Variants in LY86 observed in about 807,000 individuals in gnomAD.
The protein encoded by LY86 is MD-1, RP105-associated.
Under a neutral mutation model 17.3 loss-of-function variants are expected in LY86, and 20 were observed. The observed-to-expected ratio is 1.15, with a 90% confidence interval of 0.81 to 1.68. LY86 has a LOEUF of 1.68. Ranked by LOEUF, LY86 falls within the 40% of genes most tolerant of loss-of-function variation. LY86 has a pLI of 0.00. For synonymous variants in LY86, 74 were observed against 70.6 expected (o/e 1.05, Z -0.24); for missense variants, 200 against 191.9 (o/e 1.04, Z -0.25).
At chr6:6,648,162 C>T (rs931938835) in intron 3 of LY86, among the ~76,000 whole-genome samples, 1 of 152,138 alleles carries the variant, frequency 6.6e-6, no homozygotes, top group Admixed American at 6.6e-5. Context: ...TGTTCTCTAC[C>T]TCCACCACCA....
At chr6:6,598,928 T>A (rs1760812249) in intron 1 of LY86, among the ~76,000 whole-genome samples, 1 of 152,232 alleles carries the variant, frequency 6.6e-6, no homozygotes, top group Non-Finnish European at 1.5e-5. Context: ...ATTTGTATAT[T>A]CTGTGCCATC....
intron 3 of LY86, among the ~76,000 whole-genome samples, chr6:6,649,099 A>G (rs1444140599): frequency 1.3e-5 from 2 of 152,248 alleles, no homozygotes; most frequent in Non-Finnish European, 2.9e-5. Context: ...GAGGCCTCAC[A>G]ATCATAGTGG....
At chr6:6,634,632 T>C (rs1761937343) in intron 3 of LY86, among the ~76,000 whole-genome samples, 1 of 152,268 alleles carries the variant, frequency 6.6e-6, no homozygotes, top group Admixed American at 6.5e-5. Context: ...CTTCTGGTCC[T>C]GGTTCATGCT....
chr6:6,611,379 A>C (rs901018797), intron 1 of LY86, among the ~76,000 whole-genome samples: 2 of 152,182 alleles, frequency 1.3e-5, no homozygotes, highest in Non-Finnish European at 2.9e-5. Flanking sequence ...CAGTTTTCCC[A>C]ATTCTAAAAC....
At chr6:6,593,835 C>G (rs1239408735) in intron 1 of LY86, among the ~76,000 whole-genome samples, 1 of 152,152 alleles carries the variant, frequency 6.6e-6, no homozygotes, top group Non-Finnish European at 1.5e-5. Context: ...CTCATGATGC[C>G]CCTTGGTGCA....
At chr6:6,605,011 T>A (rs777334593) in intron 1 of LY86, among the ~76,000 whole-genome samples, 1 of 149,652 alleles carries the variant, frequency 6.7e-6, no homozygotes, top group Non-Finnish European at 1.5e-5. Flanking sequence ...AGTCATTCAA[T>A]AGTAAGTAAA....
chr6:6,595,508 T>TC (rs1164071422), intron 1 of LY86, among the ~76,000 whole-genome samples: 3 of 151,326 alleles, frequency 2.0e-5, no homozygotes, highest in African/African-American at 4.9e-5. Context: ...AAGAATGGCT[T>TC]CCCTCCTGCC....
intron 1 of LY86, among the ~76,000 whole-genome samples, chr6:6,612,483 A>T (rs1041403531): frequency 6.6e-6 from 1 of 151,858 alleles, no homozygotes; most frequent in Non-Finnish European, 1.5e-5. Context: ...GCAGACCCAA[A>T]GTGTAAACAA....
chr6:6,610,849 ACCTG>A, intron 1 of LY86, among the ~76,000 whole-genome samples: 1 of 152,328 alleles, frequency 6.6e-6, no homozygotes, highest in Non-Finnish European at 1.5e-5. Flanking sequence ...GTCTGAGCTT[ACCTG>A]CAAGATGAAG....
At chr6:6,595,077 G>A (rs17142351) in intron 1 of LY86, among the ~76,000 whole-genome samples, 12,330 of 151,834 alleles carry the variant, frequency 0.081, 1,398 homozygotes, top group African/African-American at 0.25. Context: ...GCAGTCTGTG[G>A]ACCAGCAAAA....
chr6:6,607,459 A>T (rs9328379), intron 1 of LY86, among the ~76,000 whole-genome samples: 47,324 of 152,178 alleles, frequency 0.31, 9,341 homozygotes, highest in African/African-American at 0.57. Flanking sequence ...ACTAGAAATA[A>T]AGTATATGAT....
At chr6:6,625,395 T>A (rs1761768371) in intron 2 of LY86, among the ~76,000 whole-genome samples, 1 of 152,240 alleles carries the variant, frequency 6.6e-6, no homozygotes, top group Admixed American at 6.5e-5. Flanking sequence ...GTACGGTTTG[T>A]CATTTGTGTT....
intron 1 of LY86, among the ~76,000 whole-genome samples, chr6:6,602,297 T>C (rs918373908): frequency 2.6e-5 from 4 of 152,234 alleles, no homozygotes; most frequent in African/African-American, 9.6e-5. Context: ...TTTGAACACC[T>C]GGAATTGCTA....
Position 6,654,716 on chromosome 6 carries a change from C to A in LY86, c.*89C>A. 1.8e-6 allele frequency: 2 copies of A among 1,132,400 alleles called. No homozygotes were observed. Among genetic ancestry groups the A allele is most frequent in the African/African-American group, 1.5e-5 (1 of 65,040 alleles). 70.1% of individuals were successfully genotyped at this position (1,132,400 alleles called of 1,614,324 possible). ...GAACCTACTGTGGGAGGAGAAGCAG[C>A]TGATGACAGAGAGAGGCTCTACAAA... On this transcript the variant is annotated 3_prime_UTR_variant, in exon 5 of 5. Transcript: ENST00000230568.
At chr6:6,610,932 G>C (rs1007194608) in intron 1 of LY86, among the ~76,000 whole-genome samples, 2 of 152,170 alleles carry the variant, frequency 1.3e-5, no homozygotes, top group Non-Finnish European at 2.9e-5. Flanking sequence ...GCCAAGGAAG[G>C]CTCCTTCTTT....
intron 1 of LY86, among the ~76,000 whole-genome samples, chr6:6,609,867 G>A (rs372084860): frequency 1.3e-5 from 2 of 151,902 alleles, no homozygotes; most frequent in Admixed American, 6.6e-5. Context: ...AAAAGAATTC[G>A]TGCTTGTTCT....
intron 1 of LY86, chr6:6,620,718 C>T (rs187834131): frequency 1.3e-5 from 2 of 152,316 alleles, no homozygotes; most frequent in African/African-American, 4.8e-5. Context: ...CTAGCCCAGC[C>T]TAGGCCACTA....
At chr6:6,649,014 A>G (rs1762147378) in intron 3 of LY86, among the ~76,000 whole-genome samples, 1 of 152,224 alleles carries the variant, frequency 6.6e-6, no homozygotes. Flanking sequence ...TCATACCACT[A>G]TGAAGAAACA....
intron 1 of LY86, among the ~76,000 whole-genome samples, chr6:6,592,565 G>C (rs891315729): frequency 2.6e-5 from 4 of 152,246 alleles, no homozygotes; most frequent in Non-Finnish European, 5.9e-5. Flanking sequence ...CTGAATGTTT[G>C]TGTCCCCTGA....
Sources: gnomAD v4.1 joint callset for allele counts (sites outside exome capture counted in the v4.1 genomes callset) on GRCh38, gnomAD v4.1.1 for gene constraint, MANE v1.5 for transcripts, NCBI Gene and HGNC (gene_info 2026-07-23, HGNC 2026-07-21) for gene names.